Variants in COA1 observed in about 807,000 individuals in gnomAD.
COA1 encodes cytochrome c oxidase assembly factor 1, also known as cytochrome c oxidase assembly factor 1 homolog.
A neutral mutation model predicts 16.0 loss-of-function variants in COA1; 13 were observed. The ratio of observed to expected loss-of-function variants is 0.81; its 90% CI spans 0.53 to 1.29. COA1 has a LOEUF of 1.29. Among genes scored for constraint, COA1 ranks in the 50% most tolerant of loss-of-function variants. The pLI is 0.00. For synonymous variants in COA1, 65 were observed against 65.7 expected (o/e 0.99, Z 0.05); for missense variants, 179 against 177.0 (o/e 1.01, Z -0.06).
At chr7:43,688,311 G>A (rs139989978) in intron 1 of COA1, among the ~76,000 whole-genome samples, 69 of 152,070 alleles carry the variant, frequency 4.5e-4, no homozygotes, top group African/African-American at 1.5e-3. Flanking sequence ...TTATGCCTCA[G>A]AAAACAAAAG....
At chr7:43,648,315 C>A (rs1385783671) in intron 2 of COA1, 1 of 541,840 alleles carries the variant, frequency 1.8e-6, no homozygotes, top group Non-Finnish European at 3.3e-6. Flanking sequence ...TTAGTCAGAT[C>A]TTGCTTAATT....
chr7:43,613,748 G>A (rs950175906), intron 6 of COA1, among the ~76,000 whole-genome samples: 1 of 152,196 alleles, frequency 6.6e-6, no homozygotes, highest in African/African-American at 2.4e-5. Flanking sequence ...GGAAGCTGAG[G>A]TGGGAGGATT....
intron 1 of COA1, among the ~76,000 whole-genome samples, chr7:43,670,280 C>A (rs2093175032): frequency 6.6e-6 from 1 of 152,046 alleles, no homozygotes; most frequent in African/African-American, 2.4e-5. Context: ...GAAACATGAT[C>A]TCTACTAAAA....
At chr7:43,694,352 T>C (rs2094466379) in intron 1 of COA1, among the ~76,000 whole-genome samples, 1 of 151,930 alleles carries the variant, frequency 6.6e-6, no homozygotes, top group Non-Finnish European at 1.5e-5. Flanking sequence ...TCAAAAATAA[T>C]GTCTATTTTT....
intron 1 of COA1, among the ~76,000 whole-genome samples, chr7:43,720,415 C>A (rs116947348): frequency 2.0e-5 from 3 of 152,170 alleles, no homozygotes; most frequent in African/African-American, 7.2e-5. Context: ...AGGATAAAAT[C>A]AACATGGTCC....
rs181189468 is a variant in COA1 at position 43,708,077 on chromosome 7, G to A, written c.-39+21352C>T. On this transcript the variant is annotated intron_variant, in intron 1 of 5. Coordinates refer to ENST00000223336, the MANE Select transcript of COA1 (RefSeq NM_018224.4). ...AAATTAGCCAGGCATGGTGGCATGC[G>A]CCTGTAATCCCAGCTACTCAGGAGC... Among the ~76,000 whole-genome samples the A allele has an allele frequency of 3.2e-4, 48 of 152,208 alleles. No individual in the cohort carries two copies. In the East Asian group the frequency reaches 8.7e-3, roughly 28 times the overall value.
chr7:43,627,086 A>T (rs2084635688), intron 6 of COA1, among the ~76,000 whole-genome samples: 1 of 152,244 alleles, frequency 6.6e-6, no homozygotes, highest in Non-Finnish European at 1.5e-5. Flanking sequence ...AGGACTAAAC[A>T]GTACTATTGA....
chr7:43,624,460 G>A, intron 6 of COA1: 3 of 1,498,938 alleles, frequency 2.0e-6, no homozygotes, highest in Non-Finnish European at 2.7e-6. Flanking sequence ...AGTACCTTAT[G>A]CTCTAATTTT....
At chr7:43,725,752 A>G (rs2095604426) in intron 1 of COA1, among the ~76,000 whole-genome samples, 1 of 151,728 alleles carries the variant, frequency 6.6e-6, no homozygotes, top group African/African-American at 2.4e-5. Context: ...TCAGCTACTC[A>G]GGAGGCTGGG....
At chr7:43,691,029 G>C (rs1195951691) in intron 1 of COA1, among the ~76,000 whole-genome samples, 1 of 119,086 alleles carries the variant, frequency 8.4e-6, no homozygotes, top group Non-Finnish European at 1.6e-5. Flanking sequence ...ACCAGCCTGG[G>C]CAATATAGCG....
chr7:43,627,361 TAAAGGGTTATAAAGATCACTTAGA>T (rs2084674971), intron 6 of COA1, among the ~76,000 whole-genome samples: 1 of 152,184 alleles, frequency 6.6e-6, no homozygotes, highest in African/African-American at 2.4e-5. Context: ...AAAAATGTAT[TAAAGGGTTATAAAGATCACTTAGA>T]GAATGTGAGA....
intron 1 of COA1, among the ~76,000 whole-genome samples, chr7:43,714,575 G>C (rs369437088): frequency 6.5e-4 from 98 of 151,686 alleles, no homozygotes; most frequent in African/African-American, 2.2e-3. Context: ...GTTGCAGTGA[G>C]CTGAGATAGT....
chr7:43,726,281 T>TG (rs2095615505), intron 1 of COA1, among the ~76,000 whole-genome samples: 3 of 152,176 alleles, frequency 2.0e-5, no homozygotes, highest in Non-Finnish European at 4.4e-5. Flanking sequence ...TTAGGCTAAA[T>TG]ATACCACCAG....
chr7:43,624,902 G>A (rs1407878594), intron 6 of COA1: 33 of 1,407,726 alleles, frequency 2.3e-5, no homozygotes, highest in South Asian at 7.0e-5. Flanking sequence ...ATTATTTATG[G>A]ACCTCTGGCC....
intron 1 of COA1, among the ~76,000 whole-genome samples, chr7:43,669,319 C>T (rs768372476): frequency 4.6e-5 from 7 of 152,158 alleles, no homozygotes; most frequent in Non-Finnish European, 8.8e-5. Context: ...TCTTGTCTAG[C>T]AAACCCCAGC....
At chr7:43,705,099 T>C (rs1286991271) in intron 1 of COA1, among the ~76,000 whole-genome samples, 1 of 152,232 alleles carries the variant, frequency 6.6e-6, no homozygotes, top group East Asian at 1.9e-4. Flanking sequence ...CTGGGCTACA[T>C]GCTCTAATCC....
chr7:43,624,496 T>C, intron 6 of COA1: 1 of 1,581,934 alleles, frequency 6.3e-7, no homozygotes, highest in Non-Finnish European at 8.6e-7. Context: ...ATGTCTTAAC[T>C]GTAAAACATG....
intron 1 of COA1, among the ~76,000 whole-genome samples, chr7:43,654,505 G>T (rs146789029): frequency 1.2e-3 from 179 of 152,186 alleles, no homozygotes; most frequent in African/African-American, 4.2e-3. Context: ...AAGGAGTGAT[G>T]TCAAGGAAAC....
intron 2 of COA1, 48 bp downstream of exon 2, chr7:43,648,552 A>G (rs1376291233): frequency 6.2e-7 from 1 of 1,601,824 alleles, no homozygotes; most frequent in Admixed American, 1.7e-5. Flanking sequence ...ACTCGAGAAT[A>G]CCCTGGCAGG....
Sources: allele counts gnomAD v4.1 joint callset (sites outside exome capture counted in the v4.1 genomes callset), GRCh38; gene constraint gnomAD v4.1.1; transcripts MANE v1.5; gene names NCBI Gene and HGNC (gene_info 2026-07-23, HGNC 2026-07-21).